CFAP144: variants seen among roughly 807,000 people sequenced by gnomAD.
The protein encoded by CFAP144 is cilia- and flagella-associated protein 144.
the CFAP144 span, chr1:43,147,715 G>A: frequency 3.2e-6 from 3 of 936,394 alleles, no homozygotes; most frequent in South Asian, 9.8e-5. Context: ...GCTGGGGCAA[G>A]TGAGTACAGT....
the CFAP144 span, among the ~76,000 whole-genome samples, chr1:43,148,305 G>A: frequency 6.6e-6 from 1 of 151,276 alleles, no homozygotes; most frequent in East Asian, 1.9e-4. Flanking sequence ...AAATCTTTTC[G>A]TTGTAGAAAA....
At chr1:43,148,121 G>C in the CFAP144 span, 1 of 1,599,516 alleles carries the variant, frequency 6.3e-7, no homozygotes, top group South Asian at 1.1e-5. Flanking sequence ...GGGCGAGAGC[G>C]GGAGGGCGCC....
At chr1:43,152,753 G>T in the CFAP144 span, 3 of 1,433,982 alleles carry the variant, frequency 2.1e-6, no homozygotes, top group Non-Finnish European at 2.8e-6. Flanking sequence ...GAACAATGTG[G>T]ACGCAGGAAA....
the CFAP144 span, among the ~76,000 whole-genome samples, chr1:43,144,712 G>C: frequency 6.6e-6 from 1 of 151,972 alleles, no homozygotes; most frequent in Non-Finnish European, 1.5e-5. Context: ...GTTTTAAACC[G>C]TGCATCTGCT....
At chr1:43,149,905 G>A in the CFAP144 span, among the ~76,000 whole-genome samples, 2 of 152,116 alleles carry the variant, frequency 1.3e-5, no homozygotes, top group Admixed American at 1.3e-4. Context: ...GGTTTCTACT[G>A]GTGTCTGCTC....
chr1:43,143,157 G>A, the CFAP144 span, among the ~76,000 whole-genome samples: 26 of 152,264 alleles, frequency 1.7e-4, no homozygotes, highest in Admixed American at 9.2e-4. Flanking sequence ...AGTAAGAAGA[G>A]AGGAATAATG....
chr1:43,147,002 C>T, the CFAP144 span, among the ~76,000 whole-genome samples: 1 of 152,162 alleles, frequency 6.6e-6, no homozygotes, highest in African/African-American at 2.4e-5. Flanking sequence ...TATGCCATCA[C>T]GCCTGGCTAA....
At chr1:43,150,153 G>C in the CFAP144 span, among the ~76,000 whole-genome samples, 5 of 152,228 alleles carry the variant, frequency 3.3e-5, no homozygotes, top group African/African-American at 7.2e-5. Flanking sequence ...ACTTACATTT[G>C]CCGGGTGATA....
At chr1:43,152,136 C>A in the CFAP144 span, among the ~76,000 whole-genome samples, 2 of 152,148 alleles carry the variant, frequency 1.3e-5, no homozygotes, top group African/African-American at 4.8e-5. Context: ...GGTAGTAGCA[C>A]TGACTCCAAA....
At chr1:43,147,394 C>CAAAG in the CFAP144 span, among the ~76,000 whole-genome samples, 1 of 151,868 alleles carries the variant, frequency 6.6e-6, no homozygotes, top group Non-Finnish European at 1.5e-5. Context: ...TAAAAATAAA[C>CAAAG]TATAAAGTCA....
chr1:43,147,318 G>C, the CFAP144 span, among the ~76,000 whole-genome samples: 1 of 152,136 alleles, frequency 6.6e-6, no homozygotes, highest in Non-Finnish European at 1.5e-5. Context: ...TAATACTACT[G>C]TACTGTAATA....
chr1:43,145,021 C>A, the CFAP144 span: 1 of 541,674 alleles, frequency 1.8e-6, no homozygotes, highest in Non-Finnish European at 3.3e-6. Context: ...GACAGGACCC[C>A]TTTTCCATGA....
At chr1:43,151,565 A>T in the CFAP144 span, among the ~76,000 whole-genome samples, 1 of 152,206 alleles carries the variant, frequency 6.6e-6, no homozygotes, top group Non-Finnish European at 1.5e-5. Context: ...TCCGAGTTCT[A>T]TAGAAAGTTA....
At chr1:43,156,360 C>CA in the CFAP144 span, 1 of 1,400,852 alleles carries the variant, frequency 7.1e-7, no homozygotes. Flanking sequence ...CTTAAGTGTG[C>CA]ACAGCCCAGA....
chr1:43,150,860 A>G, the CFAP144 span: 1 of 1,546,814 alleles, frequency 6.5e-7, no homozygotes. Context: ...GATAGAGCCC[A>G]GAGAGGCAGG....
the CFAP144 span, among the ~76,000 whole-genome samples, chr1:43,143,196 G>C: frequency 6.6e-6 from 1 of 152,140 alleles, no homozygotes; most frequent in Non-Finnish European, 1.5e-5. Flanking sequence ...GGAGCAAAGA[G>C]AACCTATACA....
the CFAP144 span, chr1:43,148,184 A>C: frequency 7.7e-7 from 1 of 1,291,488 alleles, no homozygotes; most frequent in Non-Finnish European, 1.1e-6. Context: ...CCCAGCAAAA[A>C]CTCTTTCCCC....
chr1:43,152,449 C>T, the CFAP144 span, among the ~76,000 whole-genome samples: 1 of 152,134 alleles, frequency 6.6e-6, no homozygotes, highest in Non-Finnish European at 1.5e-5. Flanking sequence ...CAGCAGCTGC[C>T]CTTGCCTGCA....
chr1:43,147,722 CA>C, the CFAP144 span: 1 of 1,360,650 alleles, frequency 7.3e-7, no homozygotes, highest in Non-Finnish European at 9.6e-7. Flanking sequence ...CAAGTGAGTA[CA>C]GTGCCAGAAT....
Sources: gnomAD v4.1 joint callset for allele counts (sites outside exome capture counted in the v4.1 genomes callset) on GRCh38, gnomAD v4.1.1 for gene constraint, MANE v1.5 for transcripts, NCBI Gene and HGNC (gene_info 2026-07-23, HGNC 2026-07-21) for gene names.